Variants in TRPA1 observed in about 807,000 individuals in gnomAD.
The protein encoded by TRPA1 is transient receptor potential cation channel subfamily A member 1, also known as ankyrin-like with transmembrane domains 1.
A neutral mutation model predicts 131.3 loss-of-function variants in TRPA1; 129 were observed. The observed-to-expected ratio is 0.98, with a 90% CI of 0.85 to 1.14. The LOEUF is 1.14. Among genes scored for constraint, TRPA1 ranks in the 50% most tolerant of loss-of-function variants. The pLI is 0.00. For missense variants in TRPA1, 1,304 were observed against 1,354.2 expected (o/e 0.96, Z 0.58); for synonymous variants, 441 against 451.7 (o/e 0.98, Z 0.30).
chr8:72,053,001 T>TAGAGAAAGAG (rs1373959380), intron 13 of TRPA1: 1 of 194,904 alleles, frequency 5.1e-6, no homozygotes, highest in Non-Finnish European at 9.3e-6. Flanking sequence ...GTGTGAGAGA[T>TAGAGAAAGAG]AGAGAAAGAG....
At chr8:72,054,042 T>C (rs1362101744) in intron 12 of TRPA1, 175 bp from the exon 13 acceptor site, 2 of 618,180 alleles carry the variant, frequency 3.2e-6, no homozygotes, top group Non-Finnish European at 5.8e-6. Context: ...AGCTCAATGA[T>C]CTTAAATGAC....
intron 14 of TRPA1, 143 bp from the exon 15 acceptor site, chr8:72,051,014 G>A (rs560838797): frequency 3.6e-5 from 23 of 647,794 alleles, no homozygotes; most frequent in Non-Finnish European, 6.2e-5. Context: ...GGTTCCAATG[G>A]AACCAACATG....
At chr8:72,086,056 A>G in the TRPA1 span, among the ~76,000 whole-genome samples, 1 of 151,992 alleles carries the variant, frequency 6.6e-6, no homozygotes, top group African/African-American at 2.4e-5. Context: ...ATCTGCCACC[A>G]TGCTCGGCTA....
intron 6 of TRPA1, chr8:72,062,142 T>C (rs1805824024): frequency 3.9e-6 from 1 of 255,610 alleles, no homozygotes; most frequent in South Asian, 5.7e-5. Flanking sequence ...TTCATTTCCA[T>C]ATTGAAGGGA....
chr8:72,050,899 C>A (rs989906171), intron 14 of TRPA1, 28 bp from the exon 15 acceptor site: 1 of 1,454,006 alleles, frequency 6.9e-7, no homozygotes. Context: ...GTAAGATAAG[C>A]ACAGGTCTTC....
chr8:72,078,769 T>C (rs75764913), upstream of TRPA1, among the ~76,000 whole-genome samples: 1,157 of 152,230 alleles, frequency 7.6e-3, 11 homozygotes, highest in African/African-American at 0.026. Flanking sequence ...TTTAGAGAGA[T>C]ACCTAGTAGT....
intron 16 of TRPA1, among the ~76,000 whole-genome samples, 188 bp downstream of exon 16, chr8:72,046,960 T>C (rs1805344956): frequency 6.6e-6 from 1 of 151,998 alleles, no homozygotes; most frequent in Non-Finnish European, 1.5e-5. Flanking sequence ...TTAGAAACTA[T>C]TAAAATATTC....
At chr8:72,057,190 ACT>A (rs1178445615) in intron 9 of TRPA1, among the ~76,000 whole-genome samples, 173 bp from the exon 10 acceptor site, 2 of 152,012 alleles carry the variant, frequency 1.3e-5, no homozygotes, top group African/African-American at 4.8e-5. Flanking sequence ...GGTTTAACTT[ACT>A]CTCTGTGTGT....
Position 72,052,671 on chromosome 8 carries a change from T to C in TRPA1, c.1739A>G (p.Gln580Arg), listed in dbSNP as rs1257636194. Residue 580 changes from glutamine (Q) to arginine (R), a missense_variant, in exon 14 of 27, where the codon CAG becomes CGG. By Grantham distance (43) the Gln-to-Arg change is conservative. Coordinates refer to ENST00000262209, the MANE Select transcript of TRPA1 (RefSeq NM_007332.3). ...AAGTGCAAGGTGCAAAAAGGAGGCC[T>C]GCTGCTTGTTCAGGACTATGTCAGC... is the stretch of plus-strand genomic sequence containing the variant. Reference protein sequence around the residue: ...HNADIVLNKQQASFLHLALHN... With the variant: ...HNADIVLNKQRASFLHLALHN... 6 of 1,613,758 alleles carry C rather than the reference T, an allele frequency of 3.7e-6. No homozygotes were observed. Among genetic ancestry groups the C allele is most frequent in the Non-Finnish European group, 5.1e-6 (6 of 1,179,874 alleles).
At chr8:72,087,801 T>C in the TRPA1 span, among the ~76,000 whole-genome samples, 1 of 152,184 alleles carries the variant, frequency 6.6e-6, no homozygotes, top group African/African-American at 2.4e-5. Context: ...TGTTAGTTCC[T>C]TCTAATGTTC....
At position 72,059,428 on chromosome 8, in the gene TRPA1, A is replaced by G. The variant is rs769260928; in HGVS notation, c.955T>C (p.Phe319Leu). The G allele has an allele frequency of 6.3e-7, 1 of 1,582,712 alleles. No individual in the cohort carries two copies. Among genetic ancestry groups the G allele is most frequent in the South Asian group, 1.2e-5 (1 of 86,406 alleles). ...HETMLHRASL[F>L]DHHELADYLI... is the part of the protein sequence containing the mutation. ...TAGTCTGCTAGCTCATGGTGATCAA[A>G]CAATGAAGCTCTGAAAAAACAGAAT... Residue 319 changes from phenylalanine to leucine, a missense_variant, in exon 8 of 27, where the codon TTT (phenylalanine) becomes CTT (leucine). Coordinates refer to ENST00000262209, the MANE Select transcript of TRPA1 (RefSeq NM_007332.3).
Position 72,047,217 on chromosome 8 carries a change from A to T in TRPA1, c.1906-10T>A. The T allele has an allele frequency of 6.2e-7, 1 of 1,608,516 alleles. No homozygotes were observed. The highest frequency in any genetic ancestry group is 8.5e-7 in the Non-Finnish European group (1 of 1,175,542). ...AGAAATCTAAAAGTACCTTTGAAAG[A>T]GAAAAACCAGCTAAGATATTGGGGC... On this transcript the variant is annotated splice_polypyrimidine_tract_variant and intron_variant, in intron 15 of 26. Transcript: ENST00000262209.
At chr8:72,073,640 G>T (rs1259000666) in intron 1 of TRPA1, among the ~76,000 whole-genome samples, 1 of 152,170 alleles carries the variant, frequency 6.6e-6, no homozygotes, top group Non-Finnish European at 1.5e-5. Flanking sequence ...AACATAAGTT[G>T]CTCTACGTAG....
chr8:72,022,489 A>G lies in TRPA1; in HGVS notation c.*417T>C. ...AACCTAATATTTAAGACTATCATCT[A>G]AGGCATTATTAATACTTGTGACTAT... On this transcript the variant is annotated 3_prime_UTR_variant, in exon 27 of 27. Transcript: ENST00000262209. 3.1e-6 allele frequency: 1 copy of G among 322,360 alleles called. No individual in the cohort carries two copies. Among genetic ancestry groups the G allele is most frequent in the South Asian group, 2.7e-5 (1 of 37,412 alleles). The allele number at this position is 322,360 out of a possible 1,614,324, so 20.0% of individuals were successfully genotyped here.
At chr8:72,060,538 C>T (rs570273578) in intron 7 of TRPA1, 5 of 152,166 alleles carry the variant, frequency 3.3e-5, no homozygotes, top group African/African-American at 7.2e-5. Flanking sequence ...GATTCATATA[C>T]GACAATCTGT....
chr8:72,076,900 T>C (rs1364830438), upstream of TRPA1, among the ~76,000 whole-genome samples: 1 of 152,180 alleles, frequency 6.6e-6, no homozygotes, highest in African/African-American at 2.4e-5. Context: ...GTTCAGGGTA[T>C]GCAAGATAAG....
At chr8:72,063,934 C>G (rs976878214) in intron 4 of TRPA1, among the ~76,000 whole-genome samples, 11 of 152,102 alleles carry the variant, frequency 7.2e-5, no homozygotes, top group African/African-American at 2.7e-4. Flanking sequence ...ATCCTAGATT[C>G]TTTTCCCTTT....
intron 1 of TRPA1, among the ~76,000 whole-genome samples, chr8:72,074,909 C>A (rs570628039): frequency 6.6e-6 from 1 of 152,210 alleles, no homozygotes; most frequent in Non-Finnish European, 1.5e-5. Context: ...AGTTATCCAA[C>A]GACTACCAGA....
chr8:72,084,629 C>T, the TRPA1 span, among the ~76,000 whole-genome samples: 3 of 146,592 alleles, frequency 2.0e-5, no homozygotes, highest in Non-Finnish European at 3.0e-5. Context: ...TTATTTTATA[C>T]GTGCTCTTAA....
Sources: allele counts gnomAD v4.1 joint callset (sites outside exome capture counted in the v4.1 genomes callset), GRCh38; gene constraint gnomAD v4.1.1; transcripts MANE v1.5; gene names NCBI Gene and HGNC (gene_info 2026-07-23, HGNC 2026-07-21).